Variants in EYS observed in about 807,000 individuals in gnomAD.
EYS encodes the protein protein eyes shut homolog.
EYS carries 250 observed loss-of-function variants against 282.1 expected under a neutral mutation model. The observed-to-expected ratio is 0.89, with a 90% confidence interval of 0.80 to 0.98. The LOEUF (loss-of-function observed/expected upper bound fraction) is 0.98. Among genes scored for constraint, EYS ranks in the 50% least tolerant of loss-of-function variants. The pLI, the probability that EYS is intolerant of heterozygous loss-of-function variation, is 0.00. For missense variants in EYS, 4,016 were observed against 3,709.0 expected (o/e 1.08, Z -2.15); for synonymous variants, 1,355 against 1,282.9 (o/e 1.06, Z -1.20).
intron 23 of EYS, among the ~76,000 whole-genome samples, chr6:64,624,330 A>G (rs1482737972): frequency 6.6e-6 from 1 of 152,200 alleles, no homozygotes; most frequent in Non-Finnish European, 1.5e-5. Flanking sequence ...TCTAGTAGTT[A>G]CAAGATACCT....
At chr6:65,210,259 A>C (rs903528853) in intron 12 of EYS, among the ~76,000 whole-genome samples, 3 of 152,006 alleles carry the variant, frequency 2.0e-5, no homozygotes, top group Non-Finnish European at 4.4e-5. Context: ...TTTCACAGGC[A>C]TAATGTTTCA....
At chr6:64,471,565 C>T (rs1776122010) in intron 26 of EYS, among the ~76,000 whole-genome samples, 1 of 151,950 alleles carries the variant, frequency 6.6e-6, no homozygotes, top group Admixed American at 6.6e-5. Context: ...CAACAAAACA[C>T]TGATGAAATA....
At chr6:63,828,586 G>A (rs1020675873) in intron 36 of EYS, among the ~76,000 whole-genome samples, 1 of 152,058 alleles carries the variant, frequency 6.6e-6, no homozygotes, top group African/African-American at 2.4e-5. Flanking sequence ...ATCTGACAAA[G>A]GACTCATATC....
chr6:64,921,646 G>C (rs1010506003), intron 15 of EYS, among the ~76,000 whole-genome samples: 1 of 152,176 alleles, frequency 6.6e-6, no homozygotes, highest in African/African-American at 2.4e-5. Context: ...CTCATGGAAA[G>C]AAAGGATAAA....
chr6:64,114,070 T>G (rs1188753092), intron 31 of EYS, among the ~76,000 whole-genome samples: 1 of 152,196 alleles, frequency 6.6e-6, no homozygotes, highest in African/African-American at 2.4e-5. Context: ...TACCAGCCTT[T>G]GTTCTACTTG....
chr6:64,525,514 A>T (rs975967053), intron 26 of EYS, among the ~76,000 whole-genome samples: 5 of 151,452 alleles, frequency 3.3e-5, no homozygotes, highest in Non-Finnish European at 5.9e-5. Context: ...GACACTGGGG[A>T]CTACTTGAGG....
intron 12 of EYS, among the ~76,000 whole-genome samples, chr6:65,279,723 A>T (rs1768163964): frequency 6.6e-6 from 1 of 152,202 alleles, no homozygotes; most frequent in South Asian, 2.1e-4. Flanking sequence ...TTCTGGCATC[A>T]TGTTAAAATC....
intron 26 of EYS, among the ~76,000 whole-genome samples, chr6:64,461,475 G>T (rs769587255): frequency 6.6e-6 from 1 of 152,168 alleles, no homozygotes. Context: ...AGGTTTAGGA[G>T]AAATGACTAG....
rs555628078 is a variant in EYS, at chr6:63,823,439, A to G, written c.7229-17067T>C. The stretch of plus-strand genomic sequence containing the variant: ...ACGTAGCAATTAAAAATGTTTTTTC[A>G]TTTATGAGTCAATTTGAATAATTAT... On this transcript the variant is annotated intron_variant, in intron 36 of 42. Coordinates refer to ENST00000503581, the MANE Select transcript of EYS (RefSeq NM_001142800.2). Among the ~76,000 whole-genome samples, 117 of 152,248 alleles carry G rather than the reference A, an allele frequency of 7.7e-4. No homozygotes were observed. In the Middle Eastern group the frequency reaches 0.01, roughly 13 times the overall value.
At chr6:64,238,952 T>C (rs1488108505) in intron 30 of EYS, among the ~76,000 whole-genome samples, 1 of 152,152 alleles carries the variant, frequency 6.6e-6, no homozygotes, top group East Asian at 1.9e-4. Flanking sequence ...CCTCCCTGTG[T>C]CCATGTGTTC....
intron 22 of EYS, among the ~76,000 whole-genome samples, chr6:64,792,454 A>G (rs998501733): frequency 6.6e-6 from 1 of 152,036 alleles, no homozygotes; most frequent in Non-Finnish European, 1.5e-5. Flanking sequence ...TTTAAAAAAT[A>G]GTACCAAAAT....
At chr6:64,995,073 T>C (rs1459777897) in intron 14 of EYS, among the ~76,000 whole-genome samples, 1 of 152,132 alleles carries the variant, frequency 6.6e-6, no homozygotes, top group Admixed American at 6.5e-5. Flanking sequence ...TTTTTTTGTA[T>C]GCCTAGGGCT....
chr6:64,454,066 C>T (rs1775470115), intron 26 of EYS, among the ~76,000 whole-genome samples: 1 of 152,096 alleles, frequency 6.6e-6, no homozygotes, highest in African/African-American at 2.4e-5. Context: ...AGCATTCACT[C>T]TGTATAGAAC....
chr6:64,609,159 T>C (rs918608785), intron 24 of EYS, among the ~76,000 whole-genome samples: 3 of 152,150 alleles, frequency 2.0e-5, no homozygotes, highest in Admixed American at 6.6e-5. Flanking sequence ...GATGGGTATA[T>C]GAGAACTCTC....
intron 36 of EYS, among the ~76,000 whole-genome samples, chr6:63,813,420 T>C (rs1405202444): frequency 1.3e-5 from 2 of 152,272 alleles, no homozygotes; most frequent in Non-Finnish European, 2.9e-5. Flanking sequence ...ACTAGGTTTC[T>C]TGGGACAATT....
rs117627732 is a variant in EYS at position 65,107,025 on chromosome 6, C to T, written c.2024-49298G>A. Among the ~76,000 whole-genome samples the T allele has an allele frequency of 8.1e-3, 1,238 of 152,066 alleles. 39 individuals are homozygous for T. The East Asian group carries it at 0.096, about 12-fold the overall frequency. Reference sequence around the variant, plus strand: ...CCCCGCTCCTCCCAGCCAGCATCAACATAGAGTGATGTGGTGAGAGTCACA... The same window carrying T: ...CCCCGCTCCTCCCAGCCAGCATCAATATAGAGTGATGTGGTGAGAGTCACA... On this transcript the variant is annotated intron_variant, in intron 12 of 42. Transcript: ENST00000503581.
chr6:65,620,936 G>A (rs1443629899), intron 2 of EYS, among the ~76,000 whole-genome samples: 3 of 152,136 alleles, frequency 2.0e-5, no homozygotes, highest in Admixed American at 6.5e-5. Context: ...TATCATTTCT[G>A]TTCTTTTACA....
At chr6:64,779,725 G>A (rs1016088893) in intron 22 of EYS, among the ~76,000 whole-genome samples, 6 of 152,066 alleles carry the variant, frequency 3.9e-5, no homozygotes, top group African/African-American at 1.2e-4. Context: ...AAACTGGGGT[G>A]GAAGGAGGGA....
chr6:64,389,568 C>A (rs2150425644), intron 28 of EYS, among the ~76,000 whole-genome samples: 1 of 152,256 alleles, frequency 6.6e-6, no homozygotes, highest in South Asian at 2.1e-4. Context: ...CCATATGTTT[C>A]TTTACATATA....
Sources: allele counts gnomAD v4.1 joint callset (sites outside exome capture counted in the v4.1 genomes callset), GRCh38; gene constraint gnomAD v4.1.1; transcripts MANE v1.5; gene names NCBI Gene and HGNC (gene_info 2026-07-23, HGNC 2026-07-21).